ZNF407: variants seen among roughly 807,000 people sequenced by gnomAD.
ZNF407 encodes zinc finger protein 407.
Under a neutral mutation model 131.2 loss-of-function variants are expected in ZNF407, and 17 were observed. That is an observed-to-expected ratio of 0.13 (90% CI 0.09 to 0.19). ZNF407 has a LOEUF of 0.19. Among genes scored for constraint, ZNF407 ranks in the 10% least tolerant of loss-of-function variants. ZNF407 has a pLI of 1.00. For missense variants in ZNF407, 2,681 were observed against 2,830.6 expected (o/e 0.95, Z 1.20); for synonymous variants, 1,156 against 1,062.0 (o/e 1.09, Z -1.72).
At chr18:74,996,726 TA>T (rs1972784569) in intron 8 of ZNF407, among the ~76,000 whole-genome samples, 1 of 152,234 alleles carries the variant, frequency 6.6e-6, no homozygotes, top group South Asian at 2.1e-4. Context: ...TAAATGAATT[TA>T]AAAAGCAATC....
At chr18:74,722,258 T>C (rs1298871469) in intron 3 of ZNF407, among the ~76,000 whole-genome samples, 2 of 152,218 alleles carry the variant, frequency 1.3e-5, no homozygotes, top group African/African-American at 4.8e-5. Context: ...TGGAATGCTT[T>C]AGATTTTTCC....
intron 4 of ZNF407, among the ~76,000 whole-genome samples, chr18:74,854,083 T>A (rs1970826082): frequency 6.6e-6 from 1 of 152,194 alleles, no homozygotes; most frequent in South Asian, 2.1e-4. Flanking sequence ...CCAGCCTCTC[T>A]GACTGCTTTA....
At position 74,763,733 on chromosome 18, in the gene ZNF407, G is replaced by A. The variant is rs1172784714; in HGVS notation, c.4803-17695G>A. On this transcript the variant is annotated intron_variant, in intron 3 of 8. Coordinates refer to ENST00000299687, the MANE Select transcript of ZNF407 (RefSeq NM_017757.3). The stretch of plus-strand genomic sequence containing the variant: ...TTTTTTTTTTTTTTTTTTTTGAGAC[G>A]GAGTCTCGCTCTGTCGCCCAGGCTG... Among the ~76,000 whole-genome samples, 8 of 138,452 alleles carry A rather than the reference G, an allele frequency of 5.8e-5. No individual in the cohort carries two copies. The East Asian group carries it at 1.4e-3, about 25-fold the overall frequency. The allele number at this position is 138,452 out of a possible 152,430, so 90.8% of individuals were successfully genotyped here.
intron 8 of ZNF407, among the ~76,000 whole-genome samples, chr18:75,039,901 A>C (rs1323196522): frequency 1.3e-5 from 2 of 151,956 alleles, no homozygotes; most frequent in African/African-American, 4.8e-5. Flanking sequence ...TTTTCTCATA[A>C]GCGGAATTTC....
At chr18:74,991,674 G>T (rs530780823) in intron 8 of ZNF407, among the ~76,000 whole-genome samples, 13 of 152,198 alleles carry the variant, frequency 8.5e-5, no homozygotes, top group African/African-American at 3.1e-4. Flanking sequence ...TTATGAAATA[G>T]GTTGAGTTCT....
At chr18:74,902,444 T>C (rs1971539638) in intron 7 of ZNF407, among the ~76,000 whole-genome samples, 1 of 151,898 alleles carries the variant, frequency 6.6e-6, no homozygotes, top group Non-Finnish European at 1.5e-5. Flanking sequence ...CTTCCGGGAG[T>C]ACTATATATT....
At chr18:74,826,963 G>T (rs934676481) in intron 4 of ZNF407, among the ~76,000 whole-genome samples, 1 of 152,166 alleles carries the variant, frequency 6.6e-6, no homozygotes, top group Non-Finnish European at 1.5e-5. Context: ...AGGAATTTCT[G>T]TATTTTCTTT....
At chr18:74,827,826 A>G (rs993808396) in intron 4 of ZNF407, among the ~76,000 whole-genome samples, 4 of 152,220 alleles carry the variant, frequency 2.6e-5, no homozygotes, top group Non-Finnish European at 4.4e-5. Flanking sequence ...GTTGACAACC[A>G]TTAGGTCACA....
chr18:74,955,146 C>T (rs1199315748), intron 8 of ZNF407, among the ~76,000 whole-genome samples: 3 of 151,798 alleles, frequency 2.0e-5, no homozygotes, highest in Non-Finnish European at 4.4e-5. Flanking sequence ...GCTGAGGGGC[C>T]GTTTAGGGTC....
At chr18:74,680,226 A>G (rs1409322435) in intron 3 of ZNF407, among the ~76,000 whole-genome samples, 2 of 152,056 alleles carry the variant, frequency 1.3e-5, no homozygotes, top group Admixed American at 6.6e-5. Context: ...CCTCGTGTCT[A>G]CAAAAAAGAA....
chr18:74,766,475 G>A (rs1169266086), intron 3 of ZNF407, among the ~76,000 whole-genome samples: 9 of 152,122 alleles, frequency 5.9e-5, no homozygotes, highest in East Asian at 3.9e-4. Flanking sequence ...CAATGCCTGC[G>A]CGCTATGGTT....
chr18:74,961,496 A>G (rs1276902024), intron 8 of ZNF407, among the ~76,000 whole-genome samples: 1 of 152,110 alleles, frequency 6.6e-6, no homozygotes, highest in Non-Finnish European at 1.5e-5. Context: ...AGGCCGGGGG[A>G]TCACTTGAGC....
chr18:74,638,633 G>C (rs1984569098), intron 2 of ZNF407, among the ~76,000 whole-genome samples: 1 of 152,096 alleles, frequency 6.6e-6, no homozygotes, highest in African/African-American at 2.4e-5. Flanking sequence ...AAAGTAATAA[G>C]GTACCACAAA....
chr18:75,059,480 G>T (rs911760167), intron 8 of ZNF407, among the ~76,000 whole-genome samples: 1 of 152,020 alleles, frequency 6.6e-6, no homozygotes, highest in African/African-American at 2.4e-5. Flanking sequence ...CCTTATTTCC[G>T]TTTTTTTCAA....
At chr18:74,766,734 A>G (rs1005664274) in intron 3 of ZNF407, among the ~76,000 whole-genome samples, 1 of 152,208 alleles carries the variant, frequency 6.6e-6, no homozygotes, top group Non-Finnish European at 1.5e-5. Flanking sequence ...AAGGGAATAC[A>G]CTAGCCATGT....
intron 3 of ZNF407, among the ~76,000 whole-genome samples, chr18:74,682,856 G>T (rs1967015517): frequency 6.6e-6 from 1 of 152,178 alleles, no homozygotes; most frequent in African/African-American, 2.4e-5. Context: ...TTTTCCATCA[G>T]GGCGATTGCG....
chr18:74,706,744 C>T (rs960305908), intron 3 of ZNF407, among the ~76,000 whole-genome samples: 1 of 152,112 alleles, frequency 6.6e-6, no homozygotes, highest in Non-Finnish European at 1.5e-5. Context: ...GGGTAGGGTA[C>T]TTGTAGAATT....
chr18:75,062,267 T>C (rs1484482833), intron 8 of ZNF407: 1 of 152,284 alleles, frequency 6.6e-6, no homozygotes, highest in Non-Finnish European at 1.5e-5. Context: ...GAATATTCTT[T>C]CCTGAATGTA....
intron 3 of ZNF407, among the ~76,000 whole-genome samples, chr18:74,665,345 A>C (rs1568154356): frequency 6.6e-6 from 1 of 152,128 alleles, no homozygotes; most frequent in Non-Finnish European, 1.5e-5. Flanking sequence ...TTTCCACATT[A>C]TCTCATGGTC....
Sources: gnomAD v4.1 joint callset for allele counts (sites outside exome capture counted in the v4.1 genomes callset) on GRCh38, gnomAD v4.1.1 for gene constraint, MANE v1.5 for transcripts, NCBI Gene and HGNC (gene_info 2026-07-23, HGNC 2026-07-21) for gene names.